Variants in AHCYL2 observed in about 807,000 individuals in gnomAD.
The protein encoded by AHCYL2 is adenosylhomocysteinase like 2.
In AHCYL2, 28 loss-of-function variants were observed where a neutral mutation model predicts 81.4. The ratio of observed to expected loss-of-function variants is 0.34; its 90% CI spans 0.25 to 0.47. AHCYL2 has a LOEUF of 0.47. AHCYL2 is among the 20% of genes least tolerant of loss of function. The pLI is 1.00. For synonymous variants in AHCYL2, 272 were observed against 290.2 expected (o/e 0.94, Z 0.64); for missense variants, 551 against 785.1 (o/e 0.70, Z 3.56).
intron 1 of AHCYL2, among the ~76,000 whole-genome samples, chr7:129,378,309 T>C (rs1327924748): frequency 6.8e-6 from 1 of 146,416 alleles, no homozygotes; most frequent in Non-Finnish European, 1.5e-5. Context: ...AGACTCCATC[T>C]AAAAAAAAAA....
intron 10 of AHCYL2, among the ~76,000 whole-genome samples, chr7:129,407,469 T>C (rs1296690322): frequency 6.6e-6 from 1 of 152,198 alleles, no homozygotes; most frequent in African/African-American, 2.4e-5. Context: ...AAATTGTCTC[T>C]TGCCATCCTC....
intron 1 of AHCYL2, among the ~76,000 whole-genome samples, chr7:129,322,664 T>C (rs1455537816): frequency 2.0e-5 from 3 of 152,222 alleles, no homozygotes. Flanking sequence ...TGATCTCTGC[T>C]CACTGCAGCC....
intron 1 of AHCYL2, among the ~76,000 whole-genome samples, chr7:129,240,176 T>C (rs565881211): frequency 1.5e-4 from 23 of 151,520 alleles, no homozygotes; most frequent in Admixed American, 1.4e-3. Flanking sequence ...GATCGCGCCA[T>C]TGCACTCCAG....
intron 1 of AHCYL2, among the ~76,000 whole-genome samples, chr7:129,245,025 CTTTTT>C (rs11457350): frequency 1.7e-5 from 2 of 115,776 alleles, no homozygotes; most frequent in Non-Finnish European, 3.7e-5. Context: ...GTAGAATATT[CTTTTT>C]TTTTTTTTTT....
intron 1 of AHCYL2, among the ~76,000 whole-genome samples, chr7:129,234,917 A>G (rs1041803650): frequency 6.6e-6 from 1 of 151,868 alleles, no homozygotes; most frequent in Non-Finnish European, 1.5e-5. Flanking sequence ...TGACCTGCAT[A>G]TTTTCTGTTG....
chr7:129,317,510 G>A (rs1238423187), intron 1 of AHCYL2, among the ~76,000 whole-genome samples: 20 of 152,216 alleles, frequency 1.3e-4, no homozygotes, highest in Non-Finnish European at 2.8e-4. Context: ...AAATCTTGCA[G>A]ACCACAGCAT....
chr7:129,241,588 C>T (rs544066804), intron 1 of AHCYL2, among the ~76,000 whole-genome samples: 2 of 151,718 alleles, frequency 1.3e-5, no homozygotes, highest in African/African-American at 4.8e-5. Flanking sequence ...GAGACTCCAT[C>T]TCAAAAAAAA....
chr7:129,413,717 CTT>C, intron 12 of AHCYL2, 29 bp downstream of exon 12: 1 of 1,581,020 alleles, frequency 6.3e-7, no homozygotes, highest in Non-Finnish European at 8.7e-7. Flanking sequence ...TTATTGGGGG[CTT>C]TTTTCTCTCC....
chr7:129,229,866 A>T (rs1794356674), intron 1 of AHCYL2, among the ~76,000 whole-genome samples: 1 of 152,208 alleles, frequency 6.6e-6, no homozygotes. Context: ...TGAGAAATTT[A>T]TCCATATTTT....
At chr7:129,229,028 G>C (rs1306806616) in intron 1 of AHCYL2, among the ~76,000 whole-genome samples, 1 of 151,216 alleles carries the variant, frequency 6.6e-6, no homozygotes, top group Non-Finnish European at 1.5e-5. Flanking sequence ...GCAATTGGCA[G>C]TTGGTCTGTA....
chr7:129,258,304 A>G (rs1034217605), intron 1 of AHCYL2, among the ~76,000 whole-genome samples: 6 of 145,890 alleles, frequency 4.1e-5, no homozygotes, highest in Non-Finnish European at 7.5e-5. Context: ...GTTACTGTGT[A>G]TTCTGTTGGA....
chr7:129,377,703 A>G (rs1250877013), intron 1 of AHCYL2: 3 of 425,676 alleles, frequency 7.0e-6, no homozygotes, highest in Non-Finnish European at 1.4e-5. Flanking sequence ...AGGCAATTAT[A>G]CAAACAGAGA....
rs1187217583 is a variant in AHCYL2, at chr7:129,419,687, C to G, written c.1462-3153C>G. 6.6e-6 allele frequency among the ~76,000 whole-genome samples: 1 copy of G among 151,628 alleles called. No homozygotes were observed. Among genetic ancestry groups the G allele is most frequent in the African/African-American group, 2.4e-5 (1 of 41,202 alleles). On this transcript the variant is annotated intron_variant, in intron 12 of 16. Coordinates refer to ENST00000325006, the MANE Select transcript of AHCYL2 (RefSeq NM_015328.4). The surrounding 1 kb of genome is among the most constrained non-coding windows in gnomAD (Gnocchi z 4.7). The stretch of plus-strand genomic sequence containing the variant: ...TTTTCCAGCCGAAGAACGATTTAAC[C>G]TGAGACTTTGTGCTTTACAGGACTA...
At chr7:129,309,474 A>C (rs1343973931) in intron 1 of AHCYL2, among the ~76,000 whole-genome samples, 1 of 151,984 alleles carries the variant, frequency 6.6e-6, no homozygotes, top group Non-Finnish European at 1.5e-5. Flanking sequence ...TAGGAGTTTG[A>C]GGCTGCAGTG....
At chr7:129,278,883 G>A (rs1037607749) in intron 1 of AHCYL2, among the ~76,000 whole-genome samples, 1 of 150,456 alleles carries the variant, frequency 6.6e-6, no homozygotes, top group African/African-American at 2.4e-5. Context: ...CTACGGATGT[G>A]TGGGTGTATT....
At chr7:129,408,914 T>G (rs1249373758) in intron 10 of AHCYL2, among the ~76,000 whole-genome samples, 1 of 151,980 alleles carries the variant, frequency 6.6e-6, no homozygotes, top group Non-Finnish European at 1.5e-5. Flanking sequence ...AATCAAATAA[T>G]ATAAGAGTCT....
chr7:129,346,435 TAAG>T (rs1793363695), intron 1 of AHCYL2, among the ~76,000 whole-genome samples: 1 of 152,012 alleles, frequency 6.6e-6, no homozygotes, highest in South Asian at 2.1e-4. Flanking sequence ...CTCTTAATAA[TAAG>T]GACACAAACA....
chr7:129,364,213 G>A (rs183678748), intron 1 of AHCYL2, among the ~76,000 whole-genome samples: 1 of 152,272 alleles, frequency 6.6e-6, no homozygotes, highest in East Asian at 1.9e-4. Flanking sequence ...GGATGACATA[G>A]TGAGACCCTC....
At chr7:129,230,969 G>A (rs968182415) in intron 1 of AHCYL2, among the ~76,000 whole-genome samples, 1 of 152,014 alleles carries the variant, frequency 6.6e-6, no homozygotes, top group Non-Finnish European at 1.5e-5. Context: ...GTGTGTTTTT[G>A]TGAGCATTTA....
Sources: allele counts gnomAD v4.1 joint callset (sites outside exome capture counted in the v4.1 genomes callset), GRCh38; gene constraint gnomAD v4.1.1; non-coding constraint Gnocchi (gnomAD v3.1); transcripts MANE v1.5; gene names NCBI Gene and HGNC (gene_info 2026-07-23, HGNC 2026-07-21).